PHYKPL: variants seen among roughly 807,000 people sequenced by gnomAD.
The protein encoded by PHYKPL is 5-phosphohydroxy-L-lysine phospho-lyase.
In PHYKPL, 42 loss-of-function variants were observed where a neutral mutation model predicts 51.3. That is an observed-to-expected ratio of 0.82 (90% CI 0.64 to 1.06). PHYKPL has a LOEUF of 1.06. Among genes scored for constraint, PHYKPL ranks in the 50% least tolerant of loss-of-function variants. The pLI, the probability that PHYKPL is intolerant of heterozygous loss-of-function variation, is 0.00. For synonymous variants in PHYKPL, 264 were observed against 236.0 expected (o/e 1.12, Z -1.09); for missense variants, 655 against 586.6 (o/e 1.12, Z -1.20).
In PHYKPL at chr5:178,227,322, G is replaced by T. The variant is rs150334589; in HGVS notation, c.339-1893C>A. Among the ~76,000 whole-genome samples the T allele has an allele frequency of 5.3e-4, 81 of 152,294 alleles. 1 individual carries two copies. The highest frequency in any genetic ancestry group is 1.9e-3 in the African/African-American group (79 of 41,554). On this transcript the variant is annotated intron_variant, in intron 3 of 12. Transcript: ENST00000308158. The stretch of plus-strand genomic sequence containing the variant: ...AGGCCTTAGAAGAAACCAACCCTGC[G>T]AACACCTTGGTCTTGGACTTCCAGC...
downstream of PHYKPL, among the ~76,000 whole-genome samples, chr5:178,207,822 C>T (rs1757151986): frequency 6.6e-6 from 1 of 151,440 alleles, no homozygotes; most frequent in Non-Finnish European, 1.5e-5. Flanking sequence ...CCCATCTCAG[C>T]CTCTCGAGTA....
chr5:178,232,712 A>T lies in PHYKPL; in HGVS notation c.-162T>A. 1.2e-6 allele frequency: 1 copy of T among 800,552 alleles called. No individual in the cohort carries two copies. The allele number at this position is 800,552 out of a possible 1,614,324, so 49.6% of individuals were successfully genotyped here. A position where few individuals can be genotyped will look rare whatever the true frequency, so the allele number is the denominator to read the frequency against. On this transcript the variant is annotated 5_prime_UTR_variant, in exon 1 of 13. It removes an upstream start codon present in the reference 5' UTR. Coordinates refer to ENST00000308158, the MANE Select transcript of PHYKPL (RefSeq NM_153373.4). ...CGAAGCGCCCGCGTTGCGGTGGTTC[A>T]TTTCTTCGCTTGCCCACTGGGCCTG...
rs1159488130 is a variant in PHYKPL at position 178,232,492 on chromosome 5, C to T, written c.59G>A (p.Ser20Asn). The T allele has an allele frequency of 1.5e-6, 2 of 1,360,498 alleles. No homozygotes were observed. Among genetic ancestry groups the T allele is most frequent in the Admixed American group, 3.9e-5 (1 of 25,476 alleles). 84.3% of individuals were successfully genotyped at this position (1,360,498 alleles called of 1,614,324 possible). A position where few individuals can be genotyped will look rare whatever the true frequency, so the allele number is the denominator to read the frequency against. ...DTLALRQRLI[S>N]SSCRLFFPED... ...CGCCGCCCGCCCCCCGCCCGGGTAC[C>T]TGATGAGCCGTTGCCTCAGGGCCAG... Residue 20 changes from serine (S) to asparagine (N), a missense_variant and splice_region_variant, in exon 1 of 13, where the codon AGC becomes AAC. Coordinates refer to ENST00000308158, the MANE Select transcript of PHYKPL (RefSeq NM_153373.4).
chr5:178,213,250 G>C, intron 10 of PHYKPL, 147 bp from the exon 11 acceptor site: 1 of 1,118,604 alleles, frequency 8.9e-7, no homozygotes, highest in Non-Finnish European at 1.3e-6. Flanking sequence ...ACCTCTCCCA[G>C]AGTCCTGTGC....
At position 178,224,497 on chromosome 5, in the gene PHYKPL, G is replaced by T. The variant is rs768992012; in HGVS notation, c.569C>A (p.Ala190Asp). The T allele has an allele frequency of 1.2e-5, 20 of 1,612,126 alleles. No individual in the cohort carries two copies. The highest frequency in any genetic ancestry group is 1.6e-5 in the Non-Finnish European group (19 of 1,178,904). ...EDHPNPAMAY[A>D]NEVKRVVSSA... ...GCTGACCACACGTTTCACCTCGTTG[G>T]CATAGGCCATAGCTGGGTTGGGGTG... is the stretch of plus-strand genomic sequence containing the variant. Residue 190 changes from alanine to aspartate, a missense_variant, in exon 6 of 13, where the codon GCC (alanine) becomes GAC (aspartate). Transcript: ENST00000308158.
chr5:178,218,239 G>GA (rs1488115362), intron 8 of PHYKPL, among the ~76,000 whole-genome samples: 2 of 101,818 alleles, frequency 2.0e-5, no homozygotes, highest in African/African-American at 3.6e-5. Flanking sequence ...AAAAAAAAAA[G>GA]AAAGAAAAGA....
rs1298073225 is a variant in PHYKPL at position 178,228,250 on chromosome 5, G to C, written c.338+1690C>G. The C allele has an allele frequency of 6.8e-6, 3 of 441,366 alleles. No individual in the cohort carries two copies. In the East Asian group the frequency reaches 1.2e-4, roughly 18 times the overall value. 27.3% of individuals were successfully genotyped at this position (441,366 alleles called of 1,614,324 possible). ...CCCAGGATCAGCCCCAAGGAACAGA[G>C]GAGGAATCAGCAAAGAAGACAGGGA... On this transcript the variant is annotated intron_variant, in intron 3 of 12. Coordinates refer to ENST00000308158, the MANE Select transcript of PHYKPL (RefSeq NM_153373.4).
intron 6 of PHYKPL, 138 bp from the exon 7 acceptor site, chr5:178,223,072 A>C (rs77849512): frequency 1.6e-5 from 13 of 808,648 alleles, no homozygotes; most frequent in Non-Finnish European, 2.4e-5. Context: ...TCCATGTTAC[A>C]TCTGAAGGTT....
intron 2 of PHYKPL, chr5:178,231,061 G>A (rs1299439415): frequency 4.6e-6 from 1 of 219,116 alleles, no homozygotes; most frequent in Admixed American, 5.2e-5. Flanking sequence ...TAGCACCTGA[G>A]ATGGCCAATG....
Position 178,224,811 on chromosome 5 carries a change from T to G in PHYKPL, c.414-82A>C. The G allele has an allele frequency of 6.2e-6, 7 of 1,133,884 alleles. No individual in the cohort carries two copies. The South Asian group carries it at 1.0e-4, about 17-fold the overall frequency. 70.2% of individuals were successfully genotyped at this position (1,133,884 alleles called of 1,614,324 possible). A position where few individuals can be genotyped will look rare whatever the true frequency, so the allele number is the denominator to read the frequency against. ...AGTCTGACCATCGTCTCCCCACCCC[T>G]GAAGACACACAAGGGAGGCCAACTT... is the stretch of plus-strand genomic sequence containing the variant. On this transcript the variant is annotated intron_variant, in intron 4 of 12. Coordinates refer to ENST00000308158, the MANE Select transcript of PHYKPL (RefSeq NM_153373.4).
chr5:178,230,722 G>A (rs1763213752), intron 2 of PHYKPL: 1 of 153,876 alleles, frequency 6.5e-6, no homozygotes, highest in African/African-American at 2.4e-5. Flanking sequence ...AGCTCACCAT[G>A]TGCCAGGCAC....
chr5:178,218,216 C>G, intron 8 of PHYKPL, among the ~76,000 whole-genome samples: 1 of 58,286 alleles, frequency 1.7e-5, no homozygotes, highest in South Asian at 7.7e-4. Context: ...AACTCCGTCT[C>G]AAAAAAAAAA....
rs1758999696 is a variant in PHYKPL at position 178,213,177 on chromosome 5, C to T, written c.1173-74G>A. Reference sequence around the variant, plus strand: ...CCTGGCCTTGGCCTCATGTCCAGTGCTCCAGCCACACTGTCCTCAGAGCCT... The same window carrying T: ...CCTGGCCTTGGCCTCATGTCCAGTGTTCCAGCCACACTGTCCTCAGAGCCT... On this transcript the variant is annotated intron_variant, in intron 10 of 12. Coordinates refer to ENST00000308158, the MANE Select transcript of PHYKPL (RefSeq NM_153373.4). The T allele has an allele frequency of 3.8e-6, 6 of 1,575,238 alleles. No individual in the cohort carries two copies. In the Admixed American group the frequency reaches 6.9e-5, roughly 18 times the overall value.
Position 178,210,538 on chromosome 5 carries a change from T to C in PHYKPL, c.*31+1352A>G, listed in dbSNP as rs373842543. On this transcript the variant is annotated intron_variant, in intron 12 of 12. Coordinates refer to ENST00000308158, the MANE Select transcript of PHYKPL (RefSeq NM_153373.4). ...GCTTGTAAATAGTAGCTGCTATGGT[T>C]GTTCTCGTCCCTAGGTCAGGGTAGT... 5 of 1,613,038 alleles carry C rather than the reference T, an allele frequency of 3.1e-6. No homozygotes were observed. In the Admixed American group the frequency reaches 8.3e-5, roughly 27 times the overall value.
At chr5:178,225,538 C>T (rs779839214) in intron 3 of PHYKPL, 109 bp from the exon 4 acceptor site, 87 of 998,678 alleles carry the variant, frequency 8.7e-5, no homozygotes, top group Non-Finnish European at 1.2e-4. Context: ...CTCAGGACAT[C>T]AACTAGTCAG....
At chr5:178,224,242 C>A in intron 6 of PHYKPL, 1 of 586,070 alleles carries the variant, frequency 1.7e-6, no homozygotes, top group Non-Finnish European at 2.9e-6. Context: ...CTCCCAAGGC[C>A]TGCTCAGGCT....
At position 178,231,971 on chromosome 5, in the gene PHYKPL, C is replaced by A. The variant is rs1360428598; in HGVS notation, c.60-448G>T. 3.3e-6 allele frequency: 4 copies of A among 1,226,248 alleles called. No homozygotes were observed. In the East Asian group the frequency reaches 2.3e-4, roughly 70 times the overall value. The allele number at this position is 1,226,248 out of a possible 1,614,324, so 76.0% of individuals were successfully genotyped here. The stretch of plus-strand genomic sequence containing the variant: ...CTGCTGCCCCTCGCTGGGTGCCAGC[C>A]CTAAGCTCCAGTGGGAGGCGACCTC... On this transcript the variant is annotated intron_variant, in intron 1 of 12. Transcript: ENST00000308158.
rs1236247296 is a variant in PHYKPL at position 178,210,597 on chromosome 5, C to T, written c.*31+1293G>A. 3.7e-6 allele frequency: 6 copies of T among 1,613,976 alleles called. No individual in the cohort carries two copies. The Admixed American group carries it at 8.3e-5, about 22-fold the overall frequency. On this transcript the variant is annotated intron_variant, in intron 12 of 12. Coordinates refer to ENST00000308158, the MANE Select transcript of PHYKPL (RefSeq NM_153373.4). ...CGGCAAGAGCCAGCGACGTGGTGGC[C>T]ATCAGAATAACTACAAGCCATACTG...
intron 4 of PHYKPL, 89 bp downstream of exon 4, chr5:178,225,262 CCCTG>C (rs1385541405): frequency 4.8e-6 from 7 of 1,463,018 alleles, no homozygotes; most frequent in Non-Finnish European, 6.6e-6. Flanking sequence ...CCCTTATCCT[CCCTG>C]CCTAAGGCAC....
Sources: gnomAD v4.1 joint callset for allele counts (sites outside exome capture counted in the v4.1 genomes callset) on GRCh38, gnomAD v4.1.1 for gene constraint, MANE v1.5 for transcripts, NCBI Gene and HGNC (gene_info 2026-07-23, HGNC 2026-07-21) for gene names.